NALF1: variants seen among roughly 807,000 people sequenced by gnomAD.
NALF1 encodes NALCN channel auxiliary factor 1, also known as family with sequence similarity 155 member A.
NALF1 carries 3 observed loss-of-function variants against 48.4 expected under a neutral mutation model. The ratio of observed to expected loss-of-function variants is 0.06; its 90% confidence interval spans 0.03 to 0.16. The LOEUF is 0.16. NALF1 is among the 10% of genes least tolerant of loss of function. The pLI is 1.00. For synonymous variants in NALF1, 262 were observed against 245.7 expected (o/e 1.07, Z -0.62); for missense variants, 526 against 571.5 (o/e 0.92, Z 0.81).
chr13:107,731,803 TTGA>T (rs1260306761), intron 1 of NALF1, among the ~76,000 whole-genome samples: 30 of 152,334 alleles, frequency 2.0e-4, no homozygotes, highest in Middle Eastern at 3.4e-3. Flanking sequence ...CAGCCTGCCA[TTGA>T]TGGTCATTTA....
At position 107,535,258 on chromosome 13, in the gene NALF1, C is replaced by T. The variant is rs545507028; in HGVS notation, c.916-324503G>A. ...GAGAGAGGGCACCCCTGTCTTGTGC[C>T]AGTTTTCCAAGGGAATGCTTCCAGT... On this transcript the variant is annotated intron_variant, in intron 1 of 2. Transcript: ENST00000375915. 7.2e-5 allele frequency among the ~76,000 whole-genome samples: 11 copies of T among 152,184 alleles called. No homozygotes were observed. In the South Asian group the frequency reaches 2.3e-3, roughly 32 times the overall value.
rs1878770482 is a variant in NALF1 at position 107,170,244 on chromosome 13, A to G, written c.*253T>C. Reference sequence around the variant, plus strand: ...TAAACCCAAACCAAAACGAAAGCAAATAAAACCTCCAAACATTAAAACACA... The same window carrying G: ...TAAACCCAAACCAAAACGAAAGCAAGTAAAACCTCCAAACATTAAAACACA... On this transcript the variant is annotated 3_prime_UTR_variant, in exon 3 of 3. Transcript: ENST00000375915. The G allele has an allele frequency of 2.5e-6, 1 of 397,268 alleles. No homozygotes were observed. The highest frequency in any genetic ancestry group is 4.5e-6 in the Non-Finnish European group (1 of 222,392). The allele number at this position is 397,268 out of a possible 1,614,324, so 24.6% of individuals were successfully genotyped here.
intron 2 of NALF1, among the ~76,000 whole-genome samples, chr13:107,179,317 C>A (rs960010014): frequency 6.6e-6 from 1 of 151,994 alleles, no homozygotes; most frequent in Non-Finnish European, 1.5e-5. Context: ...AAAATTAAAA[C>A]GATTGAACTC....
At chr13:107,292,497 T>G (rs1360947883) in intron 1 of NALF1, among the ~76,000 whole-genome samples, 3 of 152,134 alleles carry the variant, frequency 2.0e-5, no homozygotes, top group African/African-American at 7.2e-5. Flanking sequence ...TTTTAATTTT[T>G]AAACTTTTTG....
chr13:107,529,392 G>A (rs1876552225), intron 1 of NALF1, among the ~76,000 whole-genome samples: 1 of 152,192 alleles, frequency 6.6e-6, no homozygotes, highest in Admixed American at 6.5e-5. Flanking sequence ...TCAGGAAAGA[G>A]AATGCCCCAG....
chr13:107,170,518 T>G lies in NALF1; in HGVS notation c.1356A>C (p.Glu452Asp), dbSNP rs747796970. Residue 452 changes from glutamate to aspartate, a missense_variant, in exon 3 of 3, where the codon GAA becomes GAC. Transcript: ENST00000375915. ...TCCGTTACTCCTCATTGGTTGAGTT[T>G]TCTTCCAGCGTGTTGATGCCTCCAA... is the stretch of plus-strand genomic sequence containing the variant. ...LSFGGINTLE[E>D]NSTNEE The G allele has an allele frequency of 8.4e-5, 134 of 1,602,678 alleles. No individual in the cohort carries two copies. The highest frequency in any genetic ancestry group is 1.1e-4 in the Non-Finnish European group (128 of 1,172,002).
At chr13:107,533,575 G>T (rs1876710487) in intron 1 of NALF1, among the ~76,000 whole-genome samples, 1 of 152,098 alleles carries the variant, frequency 6.6e-6, no homozygotes, top group Non-Finnish European at 1.5e-5. Context: ...AGTACACAGT[G>T]TATGGTATTT....
chr13:107,523,971 G>T (rs571969104), intron 1 of NALF1, among the ~76,000 whole-genome samples: 1 of 152,080 alleles, frequency 6.6e-6, no homozygotes, highest in East Asian at 1.9e-4. Flanking sequence ...TCATTATATG[G>T]AGTTACCTTT....
intron 1 of NALF1, among the ~76,000 whole-genome samples, chr13:107,791,510 A>G (rs1878232251): frequency 6.6e-6 from 1 of 152,124 alleles, no homozygotes; most frequent in Non-Finnish European, 1.5e-5. Context: ...TAATGCAGAA[A>G]CCCAAAAAAC....
At chr13:107,385,940 G>A (rs896148650) in intron 1 of NALF1, among the ~76,000 whole-genome samples, 2 of 152,094 alleles carry the variant, frequency 1.3e-5, no homozygotes, top group African/African-American at 4.8e-5. Context: ...TGGAAGATAA[G>A]CAGTCCATTA....
rs1299183417 is a variant in NALF1, at chr13:107,168,153, TAAAGGTCAGAA to T, written c.*2333_*2343del. 6.6e-6 allele frequency: 1 copy of T among 152,218 alleles called. No individual in the cohort carries two copies. Among genetic ancestry groups the T allele is most frequent in the Non-Finnish European group, 1.5e-5 (1 of 68,052 alleles). The allele number at this position is 152,218 out of a possible 1,614,324, so 9.4% of individuals were successfully genotyped here. A position where few individuals can be genotyped will look rare whatever the true frequency, so the allele number is the denominator to read the frequency against. Reference sequence around the variant, plus strand: ...GTGGCCTTACCACAGCAGAGGTAGATAAAGGTCAGAACAGACTCCTTCCTAGCCATTCCCTT... The same window carrying T: ...GTGGCCTTACCACAGCAGAGGTAGATCAGACTCCTTCCTAGCCATTCCCTT... On this transcript the variant is annotated 3_prime_UTR_variant, in exon 3 of 3. Transcript: ENST00000375915.
At chr13:107,216,789 G>C (rs906484451) in intron 1 of NALF1, among the ~76,000 whole-genome samples, 3 of 152,154 alleles carry the variant, frequency 2.0e-5, no homozygotes, top group African/African-American at 7.2e-5. Context: ...ATACAGGAGA[G>C]GGAATCAGTC....
intron 1 of NALF1, among the ~76,000 whole-genome samples, chr13:107,314,993 T>TC (rs1566482777): frequency 6.6e-6 from 1 of 152,130 alleles, no homozygotes; most frequent in Non-Finnish European, 1.5e-5. Context: ...ACCCAAATAC[T>TC]CCTAAGGGGG....
chr13:107,197,224 A>G (rs764438237), intron 2 of NALF1, among the ~76,000 whole-genome samples: 2 of 152,216 alleles, frequency 1.3e-5, no homozygotes, highest in African/African-American at 2.4e-5. Context: ...TCAGAAATAA[A>G]TATCTTTTCT....
At chr13:107,370,903 T>A (rs1883238086) in intron 1 of NALF1, among the ~76,000 whole-genome samples, 1 of 152,076 alleles carries the variant, frequency 6.6e-6, no homozygotes, top group African/African-American at 2.4e-5. Flanking sequence ...AATGATCAGA[T>A]CTCCTGAGAA....
In NALF1 at chr13:107,325,853, C is replaced by CAT. The variant is rs1385871427; in HGVS notation, c.916-115099_916-115098insAT. 8.1e-3 allele frequency among the ~76,000 whole-genome samples: 406 copies of CAT among 49,836 alleles called. 2 individuals are homozygous for CAT. Among genetic ancestry groups the CAT allele is most frequent in the African/African-American group, 0.015 (231 of 15,118 alleles). The allele number at this position is 49,836 out of a possible 152,430, so 32.7% of individuals were successfully genotyped here. ...GAAACTGTGTCTCAACACACACACA[C>CAT]ACATATATATATATATATATATATA... On this transcript the variant is annotated intron_variant, in intron 1 of 2. Transcript: ENST00000375915.
chr13:107,455,437 TC>T (rs918763876), intron 1 of NALF1, among the ~76,000 whole-genome samples: 38 of 152,288 alleles, frequency 2.5e-4, no homozygotes, highest in African/African-American at 8.7e-4. Context: ...TTCCTATATA[TC>T]CTGTGACCAC....
rs1278477839 is a variant in NALF1, at chr13:107,170,769, G to C, written c.1105C>G (p.Leu369Val). The change falls in exon 3 of 3, where the codon CTA becomes GTA. Residue 369 changes from leucine (L) to valine (V), a missense_variant. By Grantham distance (32) the Leu-to-Val change is conservative (BLOSUM62 1). Coordinates refer to ENST00000375915, the MANE Select transcript of NALF1 (RefSeq NM_001080396.3). ...FICTGLYETFLTNDEPECCDV... is the reference protein window; with the variant it reads ...FICTGLYETFVTNDEPECCDV... ...CAGCATTCTGGTTCATCATTGGTTA[G>C]AAAGGTTTCATAAAGCCCTGTAGGA... The C allele has an allele frequency of 6.2e-7, 1 of 1,614,002 alleles. No homozygotes were observed. The highest frequency in any genetic ancestry group is 8.5e-7 in the Non-Finnish European group (1 of 1,179,998).
At chr13:107,776,602 G>A (rs76295723) in intron 1 of NALF1, among the ~76,000 whole-genome samples, 13,834 of 152,154 alleles carry the variant, frequency 0.091, 988 homozygotes, top group Admixed American at 0.22. Context: ...AGCATGTATT[G>A]AATACCTACT....
Sources: allele counts gnomAD v4.1 joint callset (sites outside exome capture counted in the v4.1 genomes callset), GRCh38; gene constraint gnomAD v4.1.1; transcripts MANE v1.5; gene names NCBI Gene and HGNC (gene_info 2026-07-23, HGNC 2026-07-21).